The following NUP35 variants were observed in gnomAD, a reference collection of about 807,000 sequenced individuals.
NUP35 encodes the protein nucleoporin 35.
NUP35 carries 25 observed loss-of-function variants against 41.5 expected under a neutral mutation model. The ratio of observed to expected loss-of-function variants is 0.60; its 90% CI spans 0.44 to 0.84. The LOEUF is 0.84. Ranked by LOEUF, NUP35 falls within the 40% of genes least tolerant of loss-of-function variation. NUP35 has a pLI of 0.00. For synonymous variants in NUP35, 149 were observed against 130.7 expected, an observed-to-expected ratio of 1.14 and a Z score of -0.96; for missense variants, 396 against 396.6, an observed-to-expected ratio of 1.00 and a Z score of 0.01.
Position 183,161,205 on chromosome 2 carries a change from A to G in NUP35, c.*74A>G, listed in dbSNP as rs1685866773. The G allele has an allele frequency of 1.0e-5, 11 of 1,072,492 alleles. No homozygotes were observed. Among genetic ancestry groups the G allele is most frequent in the African/African-American group, 1.6e-5 (1 of 63,848 alleles). The allele number at this position is 1,072,492 out of a possible 1,614,324, so 66.4% of individuals were successfully genotyped here. A position where few individuals can be genotyped will look rare whatever the true frequency, so the allele number is the denominator to read the frequency against. On this transcript the variant is annotated 3_prime_UTR_variant, in exon 9 of 9. Transcript: ENST00000295119. Reference sequence around the variant, plus strand: ...GCTGCTGGTTCCTTCGGTTAGTTATATAACTGTTCCTGCAGTATTGGATAG... The same window carrying G: ...GCTGCTGGTTCCTTCGGTTAGTTATGTAACTGTTCCTGCAGTATTGGATAG...
intron 3 of NUP35, chr2:183,131,003 A>G (rs1042531173): frequency 5.1e-6 from 5 of 974,500 alleles, no homozygotes; most frequent in South Asian, 1.4e-5. Flanking sequence ...AGGGTCCCCA[A>G]CAGGGTCCTG....
At chr2:183,150,681 T>C (rs988868497) in intron 4 of NUP35, among the ~76,000 whole-genome samples, 1 of 152,222 alleles carries the variant, frequency 6.6e-6, no homozygotes, top group Non-Finnish European at 1.5e-5. Context: ...TTCGCTAGAA[T>C]GTAGGCTCCA....
chr2:183,149,002 AG>A (rs1271624784), intron 4 of NUP35, among the ~76,000 whole-genome samples: 1 of 152,184 alleles, frequency 6.6e-6, no homozygotes, highest in Non-Finnish European at 1.5e-5. Flanking sequence ...TTGTTTCTTA[AG>A]AACATACTTG....
At chr2:183,123,754 A>C, upstream of NUP35, 1 of 984,700 alleles carries the variant, frequency 1.0e-6, no homozygotes, top group Non-Finnish European at 1.2e-6. Flanking sequence ...AAAGCAGCAA[A>C]GTGAGGGGAC....
chr2:183,131,050 T>C, intron 3 of NUP35: 1 of 520,578 alleles, frequency 1.9e-6, no homozygotes, highest in Non-Finnish European at 3.4e-6. Flanking sequence ...GGCACAGTCA[T>C]AACTCTGCAG....
chr2:183,147,354 A>G (rs555616355), intron 4 of NUP35, among the ~76,000 whole-genome samples: 7 of 152,306 alleles, frequency 4.6e-5, no homozygotes, highest in African/African-American at 1.4e-4. Flanking sequence ...TTAAGTCTTC[A>G]ATTCATCTTG....
chr2:183,161,010 G>A, intron 8 of NUP35, 44 bp from the exon 9 acceptor site: 2 of 1,483,004 alleles, frequency 1.3e-6, no homozygotes, highest in South Asian at 1.2e-5. Context: ...TGACACTGAA[G>A]TAACAATAAC....
At chr2:183,149,747 G>T (rs1180325916) in intron 4 of NUP35, among the ~76,000 whole-genome samples, 1 of 152,078 alleles carries the variant, frequency 6.6e-6, no homozygotes, top group Non-Finnish European at 1.5e-5. Flanking sequence ...GATTCCGATT[G>T]CCTGGATTGG....
chr2:183,155,199 A>C (rs1011244321), intron 5 of NUP35, among the ~76,000 whole-genome samples: 4 of 152,236 alleles, frequency 2.6e-5, no homozygotes, highest in East Asian at 1.9e-4. Flanking sequence ...TTTTGGGATT[A>C]AAAAACATAA....
upstream of NUP35, chr2:183,123,960 T>C: frequency 5.5e-6 from 2 of 363,268 alleles, no homozygotes; most frequent in Middle Eastern, 1.4e-3. Flanking sequence ...TAACACAAAA[T>C]TTAAAAGAAA....
chr2:183,118,516 G>A (rs978483463), intron 1 of NUP35: 3 of 152,148 alleles, frequency 2.0e-5, no homozygotes, highest in African/African-American at 4.8e-5. Flanking sequence ...CATTAAATAA[G>A]TTATGTCAGA....
At chr2:183,160,028 A>G (rs1247085078) in intron 8 of NUP35, 1 of 166,084 alleles carries the variant, frequency 6.0e-6, no homozygotes, top group African/African-American at 2.4e-5. Flanking sequence ...CTTAGGTTGG[A>G]GTAGCTTTGG....
At chr2:183,118,644 T>C (rs1046538454) in intron 1 of NUP35, 4 of 152,188 alleles carry the variant, frequency 2.6e-5, no homozygotes, top group Non-Finnish European at 5.9e-5. Flanking sequence ...GGCAAATCCA[T>C]ACGGGTCTGC....
chr2:183,148,215 AC>A, intron 4 of NUP35, among the ~76,000 whole-genome samples: 1 of 152,186 alleles, frequency 6.6e-6, no homozygotes, highest in African/African-American at 2.4e-5. Flanking sequence ...CCATTGTTGA[AC>A]CCTTAGTTGA....
intron 2 of NUP35, 25 bp downstream of exon 2, chr2:183,128,482 T>G: frequency 6.3e-7 from 1 of 1,596,714 alleles, no homozygotes; most frequent in Non-Finnish European, 8.6e-7. Context: ...TAAAATAATT[T>G]TATAGACATG....
At chr2:183,122,951 A>C (rs368051589), upstream of NUP35, among the ~76,000 whole-genome samples, 12 of 152,332 alleles carry the variant, frequency 7.9e-5, 1 homozygote, top group East Asian at 2.3e-3. Flanking sequence ...TCTACTGAAT[A>C]TTGAAATAGT....
chr2:183,126,996 A>G (rs1198842139), intron 1 of NUP35, among the ~76,000 whole-genome samples: 2 of 151,702 alleles, frequency 1.3e-5, no homozygotes, highest in South Asian at 2.1e-4. Flanking sequence ...TACCAGGTCA[A>G]GCTATACTTG....
At chr2:183,126,606 T>C (rs1357114502) in intron 1 of NUP35, among the ~76,000 whole-genome samples, 3 of 151,806 alleles carry the variant, frequency 2.0e-5, no homozygotes, top group African/African-American at 7.3e-5. Context: ...TTTTCACACC[T>C]TGTTTTAGCA....
At chr2:183,124,282 A>G (rs1442826711), upstream of NUP35, 42 of 1,400,492 alleles carry the variant, frequency 3.0e-5, no homozygotes, top group Non-Finnish European at 3.8e-5. Flanking sequence ...GGAAATTCTC[A>G]GCGCAAAGAC....
Sources: gnomAD v4.1 joint callset for allele counts (sites outside exome capture counted in the v4.1 genomes callset) on GRCh38, gnomAD v4.1.1 for gene constraint, MANE v1.5 for transcripts, NCBI Gene and HGNC (gene_info 2026-07-23, HGNC 2026-07-21) for gene names.